FREM1: variants seen among roughly 807,000 people sequenced by gnomAD.
FREM1 encodes the protein FRAS1 related extracellular matrix 1.
Under a neutral mutation model 210.1 loss-of-function variants are expected in FREM1, and 220 were observed. The observed-to-expected ratio is 1.05, with a 90% confidence interval of 0.94 to 1.17. The LOEUF is 1.17. FREM1 is among the 50% of genes most tolerant of loss of function. FREM1 has a pLI of 0.00. For synonymous variants in FREM1, 1,189 were observed against 980.2 expected, an observed-to-expected ratio of 1.21 and a Z score of -3.98; for missense variants, 3,454 against 2,675.5, an observed-to-expected ratio of 1.29 and a Z score of -6.42.
At chr9:14,874,537 CT>C (rs1833331097) in intron 1 of FREM1, among the ~76,000 whole-genome samples, 1 of 150,228 alleles carries the variant, frequency 6.7e-6, no homozygotes, top group Non-Finnish European at 1.5e-5. Context: ...TTCCTCCATC[CT>C]TTTATTTTGA....
chr9:14,855,047 T>C (rs1160135921), intron 5 of FREM1, among the ~76,000 whole-genome samples: 1 of 152,046 alleles, frequency 6.6e-6, no homozygotes, highest in Non-Finnish European at 1.5e-5. Flanking sequence ...GGCTTTTTTT[T>C]AAACTAACAT....
At chr9:14,807,651 C>G (rs1173758913) in intron 17 of FREM1, among the ~76,000 whole-genome samples, 1 of 147,558 alleles carries the variant, frequency 6.8e-6, no homozygotes, top group Non-Finnish European at 1.5e-5. Context: ...GCAATGTTGT[C>G]CTTGTCCCAA....
intron 1 of FREM1, among the ~76,000 whole-genome samples, chr9:14,880,474 T>A (rs1314170492): frequency 6.6e-6 from 1 of 151,770 alleles, no homozygotes; most frequent in Non-Finnish European, 1.5e-5. Context: ...CCTGGTGGCA[T>A]GCATCTGTAA....
chr9:14,783,376 A>C (rs1039119240), intron 24 of FREM1, among the ~76,000 whole-genome samples: 7 of 152,186 alleles, frequency 4.6e-5, no homozygotes, highest in African/African-American at 1.7e-4. Flanking sequence ...AGTATGCTCC[A>C]TTTATGTTAT....
Position 14,848,779 on chromosome 9 carries a change from A to G in FREM1, c.1153-6T>C, listed in dbSNP as rs752288726. On this transcript the variant is annotated splice_region_variant and splice_polypyrimidine_tract_variant and intron_variant, in intron 6 of 36. Transcript: ENST00000380880. ...TCGTATACCTCCAATTCTACCTGTA[A>G]ACAAACAGAGGCAAAGGAGCCACAC... is the stretch of plus-strand genomic sequence containing the variant. 2.5e-6 allele frequency: 4 copies of G among 1,577,146 alleles called. No individual in the cohort carries two copies. The African/African-American group carries it at 5.4e-5, about 21-fold the overall frequency.
At chr9:14,878,021 T>C (rs1346031605) in intron 1 of FREM1, among the ~76,000 whole-genome samples, 2 of 152,340 alleles carry the variant, frequency 1.3e-5, no homozygotes, top group East Asian at 3.9e-4. Context: ...TGCTGGATGA[T>C]TGCAATAGCA....
At chr9:14,846,997 C>T (rs1016847243) in intron 7 of FREM1, among the ~76,000 whole-genome samples, 2 of 152,202 alleles carry the variant, frequency 1.3e-5, no homozygotes, top group Non-Finnish European at 2.9e-5. Context: ...TGATCAGGCC[C>T]TGCACCAGGG....
In FREM1 at chr9:14,750,194, G is replaced by A; in HGVS notation, c.5490C>T (p.Asn1830=). 1 of 1,613,778 alleles carries A rather than the reference G, an allele frequency of 6.2e-7. No individual in the cohort carries two copies. ...EDDEVFEVIL[N]SPVNAVLGTK... ...TGCCAAGAACTGCATTCACAGGGGA[G>A]TTCAGAATTACTTCAAAGACCTCAT... is the stretch of plus-strand genomic sequence containing the variant. The change falls in exon 30 of 37, where the codon AAC becomes AAT. Residue 1830 remains asparagine (N), a synonymous_variant. Coordinates refer to ENST00000380880, the MANE Select transcript of FREM1 (RefSeq NM_001379081.2).
chr9:14,804,884 T>G, intron 19 of FREM1, 72 bp downstream of exon 19: 1 of 1,170,142 alleles, frequency 8.5e-7, no homozygotes, highest in Non-Finnish European at 1.3e-6. Flanking sequence ...CTTGGAGCAA[T>G]GTAAATGGAC....
rs150891314 is a variant in FREM1, at chr9:14,848,458, C to T, written c.1261+207G>A. Among the ~76,000 whole-genome samples, 473 of 152,160 alleles carry T rather than the reference C, an allele frequency of 3.1e-3. 2 individuals carry two copies. Among genetic ancestry groups the T allele is most frequent in the East Asian group, 0.011 (58 of 5,174 alleles). ...CAGAGGAAAGAACTTGGCCTCAGGA[C>T]GCAGAAATCCTGGATTTAAATTTCT... On this transcript the variant is annotated intron_variant, in intron 7 of 36. Coordinates refer to ENST00000380880, the MANE Select transcript of FREM1 (RefSeq NM_001379081.2).
intron 36 of FREM1, among the ~76,000 whole-genome samples, chr9:14,739,536 TTA>T (rs376624123): frequency 3.4e-5 from 5 of 146,678 alleles, no homozygotes; most frequent in Admixed American, 6.9e-5. Flanking sequence ...TATGTAAATA[TTA>T]TATATATTTA....
Position 14,769,870 on chromosome 9 carries a change from T to C in FREM1, c.5060-2A>G. 1 of 1,437,916 alleles carries C rather than the reference T, an allele frequency of 7.0e-7. No individual in the cohort carries two copies. Among genetic ancestry groups the C allele is most frequent in the Non-Finnish European group, 9.5e-7 (1 of 1,050,206 alleles). 89.1% of individuals were successfully genotyped at this position (1,437,916 alleles called of 1,614,324 possible). On this transcript the variant is annotated splice_acceptor_variant, in intron 26 of 36. Coordinates refer to ENST00000380880, the MANE Select transcript of FREM1 (RefSeq NM_001379081.2). LOFTEE classifies it high-confidence loss of function. Reference sequence around the variant, plus strand: ...TAAATTTCTCATGGATAAATTCACCTAAAAAAAGAAATAAATGAATATCAT... The same window carrying C: ...TAAATTTCTCATGGATAAATTCACCCAAAAAAAGAAATAAATGAATATCAT...
At chr9:14,909,184 C>T (rs562510517) in intron 1 of FREM1, among the ~76,000 whole-genome samples, 22 of 151,702 alleles carry the variant, frequency 1.5e-4, no homozygotes, top group African/African-American at 5.1e-4. Flanking sequence ...AGACTGGGTG[C>T]AATAGTTTAA....
intron 27 of FREM1, among the ~76,000 whole-genome samples, chr9:14,766,810 C>T (rs1157280259): frequency 6.6e-6 from 1 of 152,182 alleles, no homozygotes; most frequent in African/African-American, 2.4e-5. Context: ...AAGAACACCA[C>T]AAAGTTCCAC....
At chr9:14,909,303 C>T (rs1818326867) in intron 1 of FREM1, among the ~76,000 whole-genome samples, 1 of 152,144 alleles carries the variant, frequency 6.6e-6, no homozygotes, top group African/African-American at 2.4e-5. Flanking sequence ...CTCTTTACAA[C>T]AGCACCAAAG....
At chr9:14,805,244 C>G (rs1360394316) in intron 18 of FREM1, 92 bp from the exon 19 acceptor site, 2 of 660,228 alleles carry the variant, frequency 3.0e-6, no homozygotes, top group Admixed American at 5.5e-5. Context: ...GTCAATTTCT[C>G]AGTAATACAA....
intron 29 of FREM1, among the ~76,000 whole-genome samples, chr9:14,754,476 C>T (rs1259912732): frequency 6.6e-6 from 1 of 152,158 alleles, no homozygotes; most frequent in African/African-American, 2.4e-5. Flanking sequence ...TGAAGGTTCA[C>T]TGTTATAGGC....
intron 25 of FREM1, among the ~76,000 whole-genome samples, chr9:14,772,015 G>T (rs1847655004): frequency 6.6e-6 from 1 of 151,776 alleles, no homozygotes; most frequent in Non-Finnish European, 1.5e-5. Flanking sequence ...TTTCTTTTGG[G>T]GTGGGGAAAG....
At chr9:14,805,270 A>G in intron 18 of FREM1, 118 bp from the exon 19 acceptor site, 2 of 530,614 alleles carry the variant, frequency 3.8e-6, no homozygotes, top group Non-Finnish European at 6.5e-6. Context: ...AGATCATAGC[A>G]GTTGACCTAA....
Sources: gnomAD v4.1 joint callset for allele counts (sites outside exome capture counted in the v4.1 genomes callset) on GRCh38, gnomAD v4.1.1 for gene constraint, MANE v1.5 for transcripts, NCBI Gene and HGNC (gene_info 2026-07-23, HGNC 2026-07-21) for gene names.